SLC28A1: variants seen among roughly 807,000 people sequenced by gnomAD.
The protein encoded by SLC28A1 is sodium/nucleoside cotransporter 1.
Under a neutral mutation model 74.8 loss-of-function variants are expected in SLC28A1, and 64 were observed. That is an observed-to-expected ratio of 0.86 (90% CI 0.70 to 1.05). The LOEUF (loss-of-function observed/expected upper bound fraction) is 1.05, where lower values mean the gene tolerates loss of function less well. Among genes scored for constraint, SLC28A1 ranks in the 50% least tolerant of loss-of-function variants. The pLI is 0.00. For synonymous variants in SLC28A1, 359 were observed against 335.0 expected, an observed-to-expected ratio of 1.07 and a Z score of -0.78; for missense variants, 828 against 822.8, an observed-to-expected ratio of 1.01 and a Z score of -0.08.
chr15:84,959,498 C>A, the SLC28A1 span, among the ~76,000 whole-genome samples: 4 of 151,626 alleles, frequency 2.6e-5, no homozygotes, highest in African/African-American at 9.7e-5. Flanking sequence ...TAATGTTAGA[C>A]CCTCCGAATT....
intron 12 of SLC28A1, among the ~76,000 whole-genome samples, chr15:84,924,790 A>T (rs148958829): frequency 1.8e-4 from 27 of 152,280 alleles, no homozygotes; most frequent in African/African-American, 6.5e-4. Flanking sequence ...TCTCAATTTT[A>T]TTTCCTTAAT....
At chr15:84,888,156 T>C (rs1964824669) in intron 3 of SLC28A1, among the ~76,000 whole-genome samples, 1 of 152,152 alleles carries the variant, frequency 6.6e-6, no homozygotes, top group Non-Finnish European at 1.5e-5. Flanking sequence ...ATTAGAGCTG[T>C]GACCTACAGA....
rs749923893 is a variant in SLC28A1, at chr15:84,908,728, G to GCTA, written c.730_732dup (p.Tyr244dup). On this transcript the variant is annotated inframe_insertion, in exon 9 of 19. Coordinates refer to ENST00000394573, the MANE Select transcript of SLC28A1 (RefSeq NM_004213.5). ...GCTTTTTTCTTTCAGATCTTCCTGAGCTACACGAAGGCTGGCTCCAGCTTC... is the reference window on the plus strand; with the variant it reads ...GCTTTTTTCTTTCAGATCTTCCTGAGCTACTACACGAAGGCTGGCTCCAGCTTC... 8.7e-6 allele frequency: 14 copies of GCTA among 1,613,560 alleles called. No homozygotes were observed. The East Asian group carries it at 3.1e-4, about 36-fold the overall frequency.
chr15:84,944,943 T>A, intron 18 of SLC28A1, 76 bp downstream of exon 18: 7 of 1,195,838 alleles, frequency 5.9e-6, no homozygotes, highest in Non-Finnish European at 8.7e-6. Flanking sequence ...GGGGGATGCC[T>A]TTGGTACCAG....
At chr15:84,920,882 C>A (rs747556389) in intron 10 of SLC28A1, 107 bp from the exon 11 acceptor site, 1 of 866,540 alleles carries the variant, frequency 1.2e-6, no homozygotes, top group Non-Finnish European at 2.0e-6. Flanking sequence ...GGGTCCTACA[C>A]TGGGCTGGGA....
At chr15:84,920,897 G>A (rs1969750807) in intron 10 of SLC28A1, 92 bp from the exon 11 acceptor site, 2 of 981,954 alleles carry the variant, frequency 2.0e-6, no homozygotes, top group African/African-American at 1.6e-5. Flanking sequence ...CTGGGAGTTG[G>A]GAGGAAACTG....
intron 9 of SLC28A1, among the ~76,000 whole-genome samples, chr15:84,910,388 G>A (rs1967973135): frequency 2.6e-5 from 4 of 152,202 alleles, no homozygotes; most frequent in Admixed American, 2.6e-4. Context: ...GGTGACCTCT[G>A]GCGTCCACCC....
intron 15 of SLC28A1, 101 bp downstream of exon 15, chr15:84,935,619 G>A: frequency 9.9e-7 from 1 of 1,012,620 alleles, no homozygotes. Context: ...GCCTGGCTGA[G>A]ACACACTGAA....
At chr15:84,942,794 C>T (rs543557122) in intron 15 of SLC28A1, among the ~76,000 whole-genome samples, 28 of 151,642 alleles carry the variant, frequency 1.8e-4, no homozygotes, top group African/African-American at 6.4e-4. Context: ...AAGGGGCTGT[C>T]CACCAAATGG....
intron 10 of SLC28A1, 51 bp from the exon 11 acceptor site, chr15:84,920,938 C>A (rs111883417): frequency 6.9e-7 from 1 of 1,444,878 alleles, no homozygotes; most frequent in East Asian, 2.3e-5. Flanking sequence ...CCCCCTCTGA[C>A]TCTGGGGTTT....
At chr15:84,889,747 TCC>T (rs774047330) in intron 4 of SLC28A1, among the ~76,000 whole-genome samples, 30,254 of 134,128 alleles carry the variant, frequency 0.23, 4,470 homozygotes, top group Admixed American at 0.31. Context: ...CTTCCTTCCT[TCC>T]TTCCTTCCTT....
At chr15:84,906,545 T>TTTCTTTCTTTCC (rs1967186951) in intron 8 of SLC28A1, among the ~76,000 whole-genome samples, 1 of 64,726 alleles carries the variant, frequency 1.5e-5, no homozygotes, top group African/African-American at 6.2e-5. Context: ...TCTTTCTTTC[T>TTTCTTTCTTTCC]TTCTTTCTTT....
chr15:84,925,997 G>A (rs1252161413), intron 12 of SLC28A1, among the ~76,000 whole-genome samples: 1 of 149,222 alleles, frequency 6.7e-6, no homozygotes, highest in Non-Finnish European at 1.5e-5. Context: ...TTTGGTGAAG[G>A]CCTATCAGTC....
intron 8 of SLC28A1, among the ~76,000 whole-genome samples, chr15:84,905,895 C>T (rs948001125): frequency 2.0e-5 from 3 of 151,086 alleles, no homozygotes; most frequent in Non-Finnish European, 2.9e-5. Context: ...GGTCTGCAAT[C>T]AGCAGTAACT....
chr15:84,903,229 A>G (rs948015009), intron 6 of SLC28A1, among the ~76,000 whole-genome samples: 2 of 152,230 alleles, frequency 1.3e-5, no homozygotes, highest in African/African-American at 2.4e-5. Flanking sequence ...CTTATCAGCT[A>G]GGACCGGCCT....
At position 84,886,681 on chromosome 15, in the gene SLC28A1, C is replaced by T; in HGVS notation, c.-123C>T. On this transcript the variant is annotated 5_prime_UTR_variant, in exon 2 of 19. Transcript: ENST00000394573. ...CCTGGACTCTGCCCAGGAATTTCTG[C>T]TGAAGTGACAAGGCAAGCCAGAGCC... 1.0e-6 allele frequency: 1 copy of T among 985,510 alleles called. No individual in the cohort carries two copies. The highest frequency in any genetic ancestry group is 1.2e-6 in the Non-Finnish European group (1 of 829,970). 61.0% of individuals were successfully genotyped at this position (985,510 alleles called of 1,614,324 possible). A position where few individuals can be genotyped will look rare whatever the true frequency, so the allele number is the denominator to read the frequency against.
chr15:84,906,018 CTT>C (rs34746940), intron 8 of SLC28A1, among the ~76,000 whole-genome samples: 1 of 139,256 alleles, frequency 7.2e-6, no homozygotes, highest in South Asian at 2.2e-4. Flanking sequence ...CATTTTTGTT[CTT>C]TTTTTTTTTT....
In SLC28A1 at chr15:84,898,531, A is replaced by T. The variant is rs536413626; in HGVS notation, c.461+3408A>T. Among the ~76,000 whole-genome samples, 3 of 150,740 alleles carry T rather than the reference A, an allele frequency of 2.0e-5. No individual in the cohort carries two copies. In the Admixed American group the frequency reaches 2.0e-4, roughly 10 times the overall value. ...GAGGCAGAGCTTGCAGTGAGCTGAG[A>T]TCTCGCCACTGCACTCCAGCCTGGG... is the stretch of plus-strand genomic sequence containing the variant. On this transcript the variant is annotated intron_variant, in intron 6 of 18. Transcript: ENST00000394573.
rs141245994 is a variant in SLC28A1, at chr15:84,888,805, C to A, written c.130C>A (p.Pro44Thr). Residue 44 changes from proline (P) to threonine (T), a missense_variant, in exon 4 of 19, where the codon CCC (proline) becomes ACC (threonine). Pro to Thr is a conservative substitution (Grantham distance 38). Transcript: ENST00000394573. ...CCAGCTCCCTAGGAGTGACTTGAGC[C>A]CCGCAGAGATCAGGAGCAGCTGGAG... ...EGQLPRSDLS[P>T]AEIRSSWSEA... is the part of the protein sequence containing the mutation. 323 of 1,554,820 alleles carry A rather than the reference C, an allele frequency of 2.1e-4. 3 individuals are homozygous for A. In the African/African-American group the frequency reaches 3.8e-3, roughly 18 times the overall value.
Sources: allele counts gnomAD v4.1 joint callset (sites outside exome capture counted in the v4.1 genomes callset), GRCh38; gene constraint gnomAD v4.1.1; transcripts MANE v1.5; gene names NCBI Gene and HGNC (gene_info 2026-07-23, HGNC 2026-07-21).